DAB2IP: variants seen among roughly 807,000 people sequenced by gnomAD.
DAB2IP encodes the protein disabled homolog 2-interacting protein.
Under a neutral mutation model 107.2 loss-of-function variants are expected in DAB2IP, and 28 were observed. The observed-to-expected ratio is 0.26, with a 90% confidence interval of 0.19 to 0.36. The LOEUF (loss-of-function observed/expected upper bound fraction) is 0.36, where lower values mean the gene tolerates loss of function less well. DAB2IP is among the 10% of genes least tolerant of loss of function. DAB2IP has a pLI of 1.00. For missense variants in DAB2IP, 1,400 were observed against 1,644.7 expected, an observed-to-expected ratio of 0.85 and a Z score of 2.57; for synonymous variants, 755 against 706.4, an observed-to-expected ratio of 1.07 and a Z score of -1.09.
rs116628238 is a variant in DAB2IP at position 121,587,844 on chromosome 9, T to A, written c.40+20616T>A. ...AAGGGGATAAAAAATGGGTAGTTTTTTCAGTATAAGTGTGTCCCAAATATT... is the reference window on the plus strand; with the variant it reads ...AAGGGGATAAAAAATGGGTAGTTTTATCAGTATAAGTGTGTCCCAAATATT... On this transcript the variant is annotated intron_variant, in intron 1 of 16. Coordinates refer to the DAB2IP transcript ENST00000259371. 4.8e-3 allele frequency among the ~76,000 whole-genome samples: 730 copies of A among 152,256 alleles called. 10 individuals are homozygous for A. The highest frequency in any genetic ancestry group is 0.017 in the African/African-American group (698 of 41,536).
At chr9:121,624,868 T>C (rs901996812) in intron 1 of DAB2IP, among the ~76,000 whole-genome samples, 1 of 152,222 alleles carries the variant, frequency 6.6e-6, no homozygotes, top group Non-Finnish European at 1.5e-5. Flanking sequence ...ATGAAGCATT[T>C]AACACAGTGC....
chr9:121,605,763 C>G (rs2118963057), intron 1 of DAB2IP, among the ~76,000 whole-genome samples: 1 of 152,300 alleles, frequency 6.6e-6, no homozygotes, highest in South Asian at 2.1e-4. Context: ...ACCTTGGCCT[C>G]CCAAAGTGCT....
intron 3 of DAB2IP, among the ~76,000 whole-genome samples, chr9:121,727,620 C>T (rs1293328292): frequency 6.6e-6 from 1 of 152,208 alleles, no homozygotes; most frequent in African/African-American, 2.4e-5. Context: ...TCCTCTCCAC[C>T]ACTCTGTGAC....
intron 3 of DAB2IP, among the ~76,000 whole-genome samples, chr9:121,713,285 T>A (rs776257445): frequency 4.6e-5 from 7 of 152,062 alleles, no homozygotes; most frequent in Non-Finnish European, 7.4e-5. Context: ...TGGATAGATG[T>A]CAGTATGTTG....
rs201397224 is a variant in DAB2IP at position 121,760,323 on chromosome 9, A to G, written c.1054A>G (p.Ile352Val). The G allele has an allele frequency of 2.5e-6, 4 of 1,613,620 alleles. No individual in the cohort carries two copies. The highest frequency in any genetic ancestry group is 3.4e-6 in the Non-Finnish European group (4 of 1,180,030). The stretch of plus-strand genomic sequence containing the variant: ...GATGTACAAAGAGTTCGCTGAGCAC[A>G]TCACCAACCACTACCTGGGGCTGTG... Residue 352 changes from isoleucine (I) to valine (V), a missense_variant, in exon 6 of 16, where the codon ATC becomes GTC. Ile to Val is a conservative substitution (Grantham distance 29). Around this residue, in one of 3 missense-constraint regions of DAB2IP, gnomAD observed 517 missense variants for 748.6 expected, o/e 0.69. Coordinates refer to ENST00000408936, the Ensembl canonical transcript of DAB2IP. The surrounding 1 kb of genome is among the most constrained non-coding windows in gnomAD (Gnocchi z 5.9).
Position 121,776,539 on chromosome 9 carries a change from G to A in DAB2IP, c.3314+148G>A. ...AGAGAGTGTCTGGGCAGTGGGAGCA[G>A]CGTGAGCACAGGCCTGGAGGCAGGA... On this transcript the variant is annotated intron_variant, in intron 14 of 15. Transcript: ENST00000408936. The surrounding 1 kb of genome is among the most constrained non-coding windows in gnomAD (Gnocchi z 5.4). 1.0e-6 allele frequency: 1 copy of A among 991,406 alleles called. No individual in the cohort carries two copies. The highest frequency in any genetic ancestry group is 2.7e-5 in the East Asian group (1 of 37,654). The allele number at this position is 991,406 out of a possible 1,614,324, so 61.4% of individuals were successfully genotyped here.
At chr9:121,703,874 T>A (rs1237467925) in intron 3 of DAB2IP, among the ~76,000 whole-genome samples, 1 of 152,178 alleles carries the variant, frequency 6.6e-6, no homozygotes, top group Non-Finnish European at 1.5e-5. Flanking sequence ...TTGCTGTGCC[T>A]GGTAAGGTGA....
chr9:121,652,595 G>C (rs532482024), intron 1 of DAB2IP, among the ~76,000 whole-genome samples: 67 of 152,268 alleles, frequency 4.4e-4, no homozygotes, highest in African/African-American at 1.6e-3. Context: ...CCTTCAAAGG[G>C]GCTCTGGGGA....
chr9:121,752,027 T>C (rs1833153677), intron 3 of DAB2IP: 1 of 985,478 alleles, frequency 1.0e-6, no homozygotes, highest in South Asian at 4.7e-5. Context: ...GGGCTAGTGA[T>C]CTGCCATGTT....
exon 12 of DAB2IP, chr9:121,773,168 G>A (rs776338438): frequency 8.1e-6 from 13 of 1,604,512 alleles, no homozygotes; most frequent in Non-Finnish European, 7.6e-6. Context: ...CTGCCGCGGA[G>A]GAGCTGGCTC....
chr9:121,599,877 G>A lies in DAB2IP; in HGVS notation c.40+32649G>A, dbSNP rs1052385125. 6.6e-6 allele frequency among the ~76,000 whole-genome samples: 1 copy of A among 152,162 alleles called. No homozygotes were observed. The highest frequency in any genetic ancestry group is 2.4e-5 in the African/African-American group (1 of 41,450). Reference sequence around the variant, plus strand: ...GGGGGCTCCGATGCGAGGTGTTGGGGTAGGGGACTGAGGAATGGGCGGCGA... The same window carrying A: ...GGGGGCTCCGATGCGAGGTGTTGGGATAGGGGACTGAGGAATGGGCGGCGA... On this transcript the variant is annotated intron_variant, in intron 1 of 16. Coordinates refer to the DAB2IP transcript ENST00000259371. The surrounding 1 kb of genome is among the most constrained non-coding windows in gnomAD (Gnocchi z 6.9).
chr9:121,670,082 C>G (rs1220400283), intron 1 of DAB2IP, among the ~76,000 whole-genome samples: 2 of 152,188 alleles, frequency 1.3e-5, no homozygotes, highest in Admixed American at 1.3e-4. Context: ...CCTGCCCCAC[C>G]ACCATCCCTA....
At chr9:121,670,308 G>A (rs1462096173) in intron 1 of DAB2IP, among the ~76,000 whole-genome samples, 2 of 152,174 alleles carry the variant, frequency 1.3e-5, no homozygotes, top group African/African-American at 4.8e-5. Context: ...TGTTTTCTAT[G>A]ACTGCTGTAA....
rs749995019 is a variant in DAB2IP at position 121,760,703 on chromosome 9, G to A, written c.1170+264G>A. On this transcript the variant is annotated intron_variant, in intron 6 of 15. Transcript: ENST00000408936. The surrounding 1 kb of genome is among the most constrained non-coding windows in gnomAD (Gnocchi z 5.9). ...TGAGGGAGTGGGCTTGGGTTGAGGT[G>A]CCTTCCACCACTGCTGCAGAGGACC... 6.6e-6 allele frequency among the ~76,000 whole-genome samples: 1 copy of A among 152,132 alleles called. No individual in the cohort carries two copies. Among genetic ancestry groups the A allele is most frequent in the Non-Finnish European group, 1.5e-5 (1 of 68,034 alleles).
intron 3 of DAB2IP, among the ~76,000 whole-genome samples, chr9:121,742,300 A>G (rs1188126477): frequency 6.6e-6 from 1 of 152,222 alleles, no homozygotes; most frequent in Non-Finnish European, 1.5e-5. Flanking sequence ...GTGGTGGCCC[A>G]TGCCTGTAAT....
At chr9:121,616,173 G>A (rs1196375399) in intron 1 of DAB2IP, among the ~76,000 whole-genome samples, 1 of 152,200 alleles carries the variant, frequency 6.6e-6, no homozygotes, top group Non-Finnish European at 1.5e-5. Flanking sequence ...GTGGCCCTAT[G>A]TGGTTGCCTC....
chr9:121,571,020 C>G (rs1199087604), intron 1 of DAB2IP, among the ~76,000 whole-genome samples: 3 of 152,060 alleles, frequency 2.0e-5, no homozygotes, highest in African/African-American at 4.8e-5. Flanking sequence ...TCGCTTCCCG[C>G]CATCAGATCT....
At chr9:121,663,259 C>G (rs1417223027) in intron 1 of DAB2IP, among the ~76,000 whole-genome samples, 1 of 152,202 alleles carries the variant, frequency 6.6e-6, no homozygotes, top group Non-Finnish European at 1.5e-5. Flanking sequence ...CTACACCAGA[C>G]TATTAACGCG....
Position 121,766,469 on chromosome 9 carries a change from C to T in DAB2IP, c.1461-25C>T, listed in dbSNP as rs1360194924. 17 of 1,592,042 alleles carry T rather than the reference C, an allele frequency of 1.1e-5. No homozygotes were observed. In the South Asian group the frequency reaches 1.8e-4, roughly 17 times the overall value. ...CCTGGGCCCCTGCCTGACAGCCAAG[C>T]CCACCTTTGTCTGTCCCTACACAGT... On this transcript the variant is annotated intron_variant, in intron 8 of 15. Coordinates refer to ENST00000408936, the Ensembl canonical transcript of DAB2IP.
Sources: allele counts gnomAD v4.1 joint callset (sites outside exome capture counted in the v4.1 genomes callset), GRCh38; gene constraint gnomAD v4.1.1; regional missense constraint gnomAD v4.1.1; non-coding constraint Gnocchi (gnomAD v3.1); transcripts MANE v1.5; gene names NCBI Gene and HGNC (gene_info 2026-07-23, HGNC 2026-07-21).